Variants in PPP1R42 observed in about 807,000 individuals in gnomAD.
PPP1R42 encodes the protein protein phosphatase 1 regulatory subunit 42, also known as leucine rich repeat containing 67.
PPP1R42 carries 34 observed loss-of-function variants against 31.0 expected under a neutral mutation model. That is an observed-to-expected ratio of 1.10 (90% CI 0.83 to 1.46). The LOEUF (loss-of-function observed/expected upper bound fraction) is 1.46, where lower values mean the gene tolerates loss of function less well. Ranked by LOEUF, PPP1R42 falls within the 40% of genes most tolerant of loss-of-function variation. The probability of loss-of-function intolerance (pLI) is 0.00; values close to 1 mark genes in which losing one functional copy is unlikely to be tolerated. For synonymous variants in PPP1R42, 103 were observed against 109.8 expected, an observed-to-expected ratio of 0.94 and a Z score of 0.39; for missense variants, 268 against 303.0, an observed-to-expected ratio of 0.88 and a Z score of 0.86.
At chr8:66,971,172 C>A in intron 7 of PPP1R42, 1 of 1,433,842 alleles carries the variant, frequency 7.0e-7, no homozygotes. Context: ...AAGCATTCTG[C>A]TTTGAAATTA....
At position 67,007,543 on chromosome 8, in the gene PPP1R42, C is replaced by T. The variant is rs150672833; in HGVS notation, c.552+3172G>A. ...CTGGGCAAATTATTGTATAAGGTTT[C>T]GCCACGTCAGCCAGGGTGATCTTGA... On this transcript the variant is annotated intron_variant, in intron 5 of 7. Transcript: ENST00000685739. 4.2e-3 allele frequency among the ~76,000 whole-genome samples: 646 copies of T among 152,168 alleles called. 9 individuals carry two copies. The highest frequency in any genetic ancestry group is 0.015 in the African/African-American group (608 of 41,526).
intron 5 of PPP1R42, among the ~76,000 whole-genome samples, chr8:66,990,208 T>A (rs1445020159): frequency 6.6e-6 from 1 of 152,172 alleles, no homozygotes; most frequent in African/African-American, 2.4e-5. Flanking sequence ...TAAAAACCTA[T>A]AAGGAAGGGA....
At chr8:66,980,088 A>G (rs181784031) in intron 7 of PPP1R42, among the ~76,000 whole-genome samples, 1 of 152,300 alleles carries the variant, frequency 6.6e-6, no homozygotes, top group Non-Finnish European at 1.5e-5. Flanking sequence ...CCAGGAATGA[A>G]CAGAGGAAAA....
intron 5 of PPP1R42, among the ~76,000 whole-genome samples, chr8:66,989,362 A>C (rs1344673964): frequency 6.6e-6 from 1 of 152,120 alleles, no homozygotes; most frequent in African/African-American, 2.4e-5. Flanking sequence ...TTTCCTATCC[A>C]GTGTCACTCC....
intron 6 of PPP1R42, among the ~76,000 whole-genome samples, chr8:66,986,855 T>C (rs1013493724): frequency 6.6e-6 from 1 of 152,154 alleles, no homozygotes; most frequent in Admixed American, 6.5e-5. Context: ...CTCCTTAACC[T>C]TTTCTCCCTA....
chr8:66,996,417 T>TACAAG (rs1176969683), intron 5 of PPP1R42, among the ~76,000 whole-genome samples: 1 of 152,242 alleles, frequency 6.6e-6, no homozygotes, highest in East Asian at 1.9e-4. Context: ...CATAGTACAC[T>TACAAG]AGGATTGCCT....
chr8:66,995,624 C>CA (rs984921149), intron 5 of PPP1R42, among the ~76,000 whole-genome samples: 2 of 152,164 alleles, frequency 1.3e-5, no homozygotes, highest in Middle Eastern at 3.2e-3. Flanking sequence ...AAATTCCTTG[C>CA]ATTCAAAGCT....
chr8:66,978,698 G>A (rs181082617), intron 7 of PPP1R42, among the ~76,000 whole-genome samples: 236 of 152,222 alleles, frequency 1.6e-3, no homozygotes, highest in African/African-American at 5.2e-3. Context: ...GATTACAGCC[G>A]TGAGCCACTG....
Position 67,013,105 on chromosome 8 carries a change from CAT to C in PPP1R42, c.297-11_297-10del. 6.3e-7 allele frequency: 1 copy of C among 1,582,600 alleles called. No homozygotes were observed. On this transcript the variant is annotated splice_polypyrimidine_tract_variant and intron_variant, in intron 3 of 7. Transcript: ENST00000685739. The stretch of plus-strand genomic sequence containing the variant: ...AATTGCCTCCCAGATACCTGCAAAA[CAT>C]AGACATAATTCTAAACAGACATTCT...
intron 7 of PPP1R42, among the ~76,000 whole-genome samples, chr8:66,979,163 T>A (rs1258213921): frequency 6.6e-6 from 1 of 152,214 alleles, no homozygotes; most frequent in African/African-American, 2.4e-5. Flanking sequence ...TCTGTTTTCT[T>A]CTAGTAGTTT....
intron 5 of PPP1R42, among the ~76,000 whole-genome samples, chr8:67,007,177 C>T (rs1003925089): frequency 4.0e-5 from 6 of 151,804 alleles, no homozygotes; most frequent in African/African-American, 1.2e-4. Flanking sequence ...TGTGCCTGGC[C>T]GAGGGTAGAG....
At chr8:66,990,419 A>G (rs1455131344) in intron 5 of PPP1R42, among the ~76,000 whole-genome samples, 2 of 152,190 alleles carry the variant, frequency 1.3e-5, no homozygotes, top group Non-Finnish European at 2.9e-5. Flanking sequence ...CTGAAATACG[A>G]TTACCCTTTG....
intron 7 of PPP1R42, among the ~76,000 whole-genome samples, chr8:66,972,895 A>G (rs1814572809): frequency 6.6e-6 from 1 of 152,206 alleles, no homozygotes; most frequent in Admixed American, 6.5e-5. Flanking sequence ...GCTTTAGAAC[A>G]TTAATTGTCC....
chr8:66,992,153 C>T (rs1027556088), intron 5 of PPP1R42, among the ~76,000 whole-genome samples: 4 of 152,148 alleles, frequency 2.6e-5, no homozygotes, highest in African/African-American at 4.8e-5. Context: ...CTTTGTGATT[C>T]TACGTTCTTG....
chr8:67,006,342 G>T (rs948132886), intron 5 of PPP1R42, among the ~76,000 whole-genome samples: 2 of 151,858 alleles, frequency 1.3e-5, no homozygotes, highest in African/African-American at 4.8e-5. Context: ...CTCTGCTTAG[G>T]TCTCACTCTG....
chr8:66,982,844 T>C (rs979146042), intron 6 of PPP1R42, among the ~76,000 whole-genome samples: 5 of 152,140 alleles, frequency 3.3e-5, no homozygotes, highest in South Asian at 2.1e-4. Context: ...GGCATGATCT[T>C]AGCTCACTGC....
At chr8:67,015,928 G>A (rs1163430784) in intron 2 of PPP1R42, among the ~76,000 whole-genome samples, 1 of 152,156 alleles carries the variant, frequency 6.6e-6, no homozygotes, top group Non-Finnish European at 1.5e-5. Context: ...ATTTTAGTGT[G>A]AATTACTTTA....
intron 5 of PPP1R42, among the ~76,000 whole-genome samples, chr8:67,007,882 TC>T: frequency 6.7e-6 from 1 of 150,152 alleles, no homozygotes; most frequent in Non-Finnish European, 1.5e-5. Flanking sequence ...TTGTAACTGT[TC>T]CTTTTTTTTT....
chr8:66,977,226 A>T (rs1814702856), intron 7 of PPP1R42, among the ~76,000 whole-genome samples: 1 of 151,316 alleles, frequency 6.6e-6, no homozygotes, highest in Non-Finnish European at 1.5e-5. Context: ...AGTAGAGACG[A>T]GGTTTCACCA....
Sources: allele counts gnomAD v4.1 joint callset (sites outside exome capture counted in the v4.1 genomes callset), GRCh38; gene constraint gnomAD v4.1.1; transcripts MANE v1.5; gene names NCBI Gene and HGNC (gene_info 2026-07-23, HGNC 2026-07-21).